Variants in ZFAND2B observed in about 807,000 individuals in gnomAD.
ZFAND2B encodes the protein zinc finger AN1-type containing 2B.
In ZFAND2B, 27 loss-of-function variants were observed where a neutral mutation model predicts 38.2. The ratio of observed to expected loss-of-function variants is 0.71; its 90% confidence interval spans 0.52 to 0.97. The LOEUF (loss-of-function observed/expected upper bound fraction) is 0.97, where lower values mean the gene tolerates loss of function less well. Ranked by LOEUF, ZFAND2B falls within the 50% of genes least tolerant of loss-of-function variation. The probability of loss-of-function intolerance (pLI) is 0.00; values close to 1 mark genes in which losing one functional copy is unlikely to be tolerated. For synonymous variants in ZFAND2B, 111 were observed against 119.4 expected (o/e 0.93, Z 0.46); for missense variants, 303 against 331.5 (o/e 0.91, Z 0.67).
At chr2:219,207,526 G>T (rs1950505399) in intron 2 of ZFAND2B, 105 bp downstream of exon 2, 1 of 1,584,680 alleles carries the variant, frequency 6.3e-7, no homozygotes, top group African/African-American at 1.3e-5. Flanking sequence ...TTCTGAGGCT[G>T]TCAGTGCTGG....
chr2:219,206,903 G>C lies in ZFAND2B; in HGVS notation c.-85G>C. 2.8e-6 allele frequency: 4 copies of C among 1,453,842 alleles called. No homozygotes were observed. Among genetic ancestry groups the C allele is most frequent in the Non-Finnish European group, 3.8e-6 (4 of 1,060,140 alleles). The allele number at this position is 1,453,842 out of a possible 1,614,324, so 90.1% of individuals were successfully genotyped here. Reference sequence around the variant, plus strand: ...CGGGGCAGGGAGCCCGCCAGAGTGCGGGGTCGCGGTGCGGACTTCGAGCAC... The same window carrying C: ...CGGGGCAGGGAGCCCGCCAGAGTGCCGGGTCGCGGTGCGGACTTCGAGCAC... On this transcript the variant is annotated 5_prime_UTR_variant, in exon 1 of 9. Transcript: ENST00000289528.
At chr2:219,207,471 A>C in intron 2 of ZFAND2B, 50 bp downstream of exon 2, 1 of 1,592,062 alleles carries the variant, frequency 6.3e-7, no homozygotes, top group Non-Finnish European at 8.6e-7. Context: ...GAATGCGTGC[A>C]GAATCCCCCA....
At position 219,209,519 on chromosome 2, in the gene ZFAND2B, T is replaced by C. The variant is rs1427702562; in HGVS notation, c.*213T>C. The C allele has an allele frequency of 1.4e-6, 1 of 716,600 alleles. No homozygotes were observed. The highest frequency in any genetic ancestry group is 2.6e-6 in the Non-Finnish European group (1 of 388,444). 44.4% of individuals were successfully genotyped at this position (716,600 alleles called of 1,614,324 possible). A position where few individuals can be genotyped will look rare whatever the true frequency, so the allele number is the denominator to read the frequency against. On this transcript the variant is annotated 3_prime_UTR_variant, in exon 9 of 9. Transcript: ENST00000289528. Reference sequence around the variant, plus strand: ...AACTGTTCCCTGGTTGGGCCCTCAGTGGATGCTGGCCAGGCCCTACTCTTA... The same window carrying C: ...AACTGTTCCCTGGTTGGGCCCTCAGCGGATGCTGGCCAGGCCCTACTCTTA...
rs903908167 is a variant in ZFAND2B, at chr2:219,208,968, C to G, written c.657-9C>G. 3.1e-6 allele frequency: 5 copies of G among 1,613,578 alleles called. No homozygotes were observed. Among genetic ancestry groups the G allele is most frequent in the Non-Finnish European group, 4.2e-6 (5 of 1,179,608 alleles). ...CCATCATCCAACTTAAACTGTTTCT[C>G]CCTCCCAGTTGTCAGGAGGAAGAAG... On this transcript the variant is annotated splice_polypyrimidine_tract_variant and intron_variant, in intron 7 of 8. Transcript: ENST00000289528.
chr2:219,208,942 A>G, intron 7 of ZFAND2B, 35 bp from the exon 8 acceptor site: 9 of 1,606,444 alleles, frequency 5.6e-6, no homozygotes, highest in Non-Finnish European at 7.7e-6. Context: ...TTCAGATCTT[A>G]CCATCATCCA....
At chr2:219,207,451 G>C (rs370920806) in intron 2 of ZFAND2B, 30 bp downstream of exon 2, 1 of 1,602,678 alleles carries the variant, frequency 6.2e-7, no homozygotes, top group Non-Finnish European at 8.5e-7. Flanking sequence ...GGTGAAAGCA[G>C]GCAGATGGAG....
rs764975251 is a variant in ZFAND2B, at chr2:219,207,909, G to A, written c.305G>A (p.Arg102His). ...KRKIFTNKCERAGCRQREMMK... is the reference protein window; with the variant it reads ...KRKIFTNKCEHAGCRQREMMK... ...CAGATCTTCACCAATAAGTGTGAAC[G>A]CGCTGGCTGCCGGCAGCGAGAAATG... is the stretch of plus-strand genomic sequence containing the variant. Residue 102 changes from arginine to histidine, a missense_variant, in exon 4 of 9, where the codon CGC (arginine) becomes CAC (histidine). Physicochemically the swap from Arg to His is conservative, Grantham distance 29 (BLOSUM62 0). Coordinates refer to ENST00000289528, the MANE Select transcript of ZFAND2B (RefSeq NM_138802.3). The A allele has an allele frequency of 3.9e-5, 63 of 1,613,998 alleles. No individual in the cohort carries two copies. Among genetic ancestry groups the A allele is most frequent in the Admixed American group, 8.3e-5 (5 of 59,998 alleles).
intron 7 of ZFAND2B, 22 bp downstream of exon 7, chr2:219,208,661 G>A (rs766459449): frequency 6.2e-7 from 1 of 1,613,624 alleles, no homozygotes; most frequent in South Asian, 1.1e-5. Context: ...TCTTGTGAAA[G>A]AGAGCGCAAG....
chr2:219,207,110 A>C lies in ZFAND2B; in HGVS notation c.55+68A>C. 11 of 1,197,114 alleles carry C rather than the reference A, an allele frequency of 9.2e-6. No individual in the cohort carries two copies. In the South Asian group the frequency reaches 1.1e-4, roughly 12 times the overall value. 74.2% of individuals were successfully genotyped at this position (1,197,114 alleles called of 1,614,324 possible). A position where few individuals can be genotyped will look rare whatever the true frequency, so the allele number is the denominator to read the frequency against. ...GACTTTGAACCGCAGGTTGGGAGGG[A>C]AGGGTGGGCTCCCAGGCTGGCAATG... On this transcript the variant is annotated intron_variant, in intron 1 of 8. Coordinates refer to ENST00000289528, the MANE Select transcript of ZFAND2B (RefSeq NM_138802.3).
intron 2 of ZFAND2B, 77 bp downstream of exon 2, chr2:219,207,498 T>G: frequency 6.3e-7 from 1 of 1,584,688 alleles, no homozygotes; most frequent in Non-Finnish European, 8.6e-7. Context: ...TGTCTCACGT[T>G]TCTTCTCCCT....
chr2:219,207,840 C>T (rs547041435), intron 3 of ZFAND2B, 47 bp from the exon 4 acceptor site: 1 of 1,613,654 alleles, frequency 6.2e-7, no homozygotes, highest in East Asian at 2.2e-5. Flanking sequence ...GAAACCCAAA[C>T]AGCTAATCAG....
chr2:219,208,045 G>A lies in ZFAND2B; in HGVS notation c.434+7G>A, dbSNP rs756713911. The A allele has an allele frequency of 5.0e-6, 8 of 1,613,634 alleles. No individual in the cohort carries two copies. Among genetic ancestry groups the A allele is most frequent in the Non-Finnish European group, 5.9e-6 (7 of 1,180,034 alleles). On this transcript the variant is annotated splice_region_variant and intron_variant, in intron 4 of 8. Coordinates refer to ENST00000289528, the MANE Select transcript of ZFAND2B (RefSeq NM_138802.3). ...ACCCAACCAGCCGGGCAGGGTAATG[G>A]CAGCCAAGTCCTCCACTTGCTTTTG...
chr2:219,209,035 T>A lies in ZFAND2B; in HGVS notation c.715T>A (p.Tyr239Asn). The A allele has an allele frequency of 6.2e-7, 1 of 1,614,208 alleles. No homozygotes were observed. The highest frequency in any genetic ancestry group is 8.5e-7 in the Non-Finnish European group (1 of 1,180,036). The change falls in exon 8 of 9, where the codon TAC becomes AAC. Residue 239 changes from tyrosine to asparagine, a missense_variant. Coordinates refer to ENST00000289528, the MANE Select transcript of ZFAND2B (RefSeq NM_138802.3). ...AQALSASEAE[Y>N]QRQQAQSRSS... is the part of the protein sequence containing the mutation. ...AGCACTGTCAGCCAGTGAGGCAGAA[T>A]ACCAGCGGCAGCAGGTATGAGGCTG...
chr2:219,206,823 G>C lies in ZFAND2B; in HGVS notation c.-165G>C, dbSNP rs1950489257. On this transcript the variant is annotated 5_prime_UTR_variant, in exon 1 of 9. Transcript: ENST00000289528. ...CGCCGAGGGAGGAGCGGGCGCCGGG[G>C]GCCGGCTGGCGCGGGGGCTCCGGTA... 3 of 680,648 alleles carry C rather than the reference G, an allele frequency of 4.4e-6. No homozygotes were observed. Among genetic ancestry groups the C allele is most frequent in the Non-Finnish European group, 6.6e-6 (3 of 453,632 alleles). 42.2% of individuals were successfully genotyped at this position (680,648 alleles called of 1,614,324 possible).
intron 8 of ZFAND2B, 38 bp downstream of exon 8, chr2:219,209,087 G>A: frequency 6.2e-7 from 1 of 1,612,120 alleles, no homozygotes; most frequent in Non-Finnish European, 8.5e-7. Context: ...TGCAGTGGAA[G>A]GGAGGAAGAA....
At chr2:219,208,805 CTTCAT>C in intron 7 of ZFAND2B, 166 bp downstream of exon 7, 1 of 1,031,190 alleles carries the variant, frequency 9.7e-7, no homozygotes, top group East Asian at 2.5e-5. Flanking sequence ...CCCATGGAGC[CTTCAT>C]TTCCTCTATA....
chr2:219,208,159 CTTCCTT>C (rs1428882679), intron 4 of ZFAND2B, 91 bp from the exon 5 acceptor site: 25 of 1,594,968 alleles, frequency 1.6e-5, no homozygotes, highest in Middle Eastern at 3.3e-4. Context: ...AGTCTTTTAG[CTTCCTT>C]TTCAAGTGCA....
chr2:219,208,230 A>G (rs978042308), intron 4 of ZFAND2B, 26 bp from the exon 5 acceptor site: 4 of 1,613,496 alleles, frequency 2.5e-6, no homozygotes, highest in Admixed American at 3.3e-5. Context: ...TCTTGGAGAC[A>G]TGCCAAAAAT....
chr2:219,207,434 T>G lies in ZFAND2B; in HGVS notation c.150+13T>G, dbSNP rs745588360. On this transcript the variant is annotated intron_variant, in intron 2 of 8. Transcript: ENST00000289528. Reference sequence around the variant, plus strand: ...TGCTTACCAAAAGGTGAGGGGGCGATCCTCAGGGTGAAAGCAGGCAGATGG... The same window carrying G: ...TGCTTACCAAAAGGTGAGGGGGCGAGCCTCAGGGTGAAAGCAGGCAGATGG... 6.2e-7 allele frequency: 1 copy of G among 1,606,654 alleles called. No homozygotes were observed. Among genetic ancestry groups the G allele is most frequent in the Admixed American group, 1.7e-5 (1 of 59,910 alleles).
Sources: allele counts gnomAD v4.1 joint callset, GRCh38; gene constraint gnomAD v4.1.1; transcripts MANE v1.5; gene names NCBI Gene and HGNC (gene_info 2026-07-23, HGNC 2026-07-21).